The following DGKQ variants were observed in gnomAD, a reference collection of about 807,000 sequenced individuals.
The protein encoded by DGKQ is DAG kinase theta.
In DGKQ, 97 loss-of-function variants were observed where a neutral mutation model predicts 104.2. That is an observed-to-expected ratio of 0.93 (90% CI 0.79 to 1.10). DGKQ has a LOEUF of 1.10. Among genes scored for constraint, DGKQ ranks in the 50% least tolerant of loss-of-function variants. DGKQ has a pLI of 0.00. For missense variants in DGKQ, 1,465 were observed against 1,352.1 expected, an observed-to-expected ratio of 1.08 and a Z score of -1.31; for synonymous variants, 736 against 595.2, an observed-to-expected ratio of 1.24 and a Z score of -3.44.
chr4:965,400 G>A (rs1235859624), intron 14 of DGKQ, 91 bp downstream of exon 14: 8 of 1,549,084 alleles, frequency 5.2e-6, no homozygotes, highest in Non-Finnish European at 7.1e-6. Context: ...CCAAGGGAAA[G>A]GTCAGGTGCT....
In DGKQ at chr4:967,717, C is replaced by A. The variant is rs1229350366; in HGVS notation, c.886+11G>T. ...CTCAGTGGAGTTGGGGGGAATGAGGCGGGCACTTACCGGACTCCGGAGTTG... is the reference window on the plus strand; with the variant it reads ...CTCAGTGGAGTTGGGGGGAATGAGGAGGGCACTTACCGGACTCCGGAGTTG... On this transcript the variant is annotated intron_variant, in intron 7 of 22. Coordinates refer to ENST00000273814, the MANE Select transcript of DGKQ (RefSeq NM_001347.4). 1 of 1,611,480 alleles carries A rather than the reference C, an allele frequency of 6.2e-7. No individual in the cohort carries two copies. Among genetic ancestry groups the A allele is most frequent in the South Asian group, 1.1e-5 (1 of 90,944 alleles).
At chr4:968,742 G>T in intron 3 of DGKQ, 69 bp downstream of exon 3, 1 of 1,459,162 alleles carries the variant, frequency 6.9e-7, no homozygotes, top group Admixed American at 2.0e-5. Context: ...GCACAGCAGG[G>T]GTGGGCTGGG....
At chr4:964,526 A>AT in intron 15 of DGKQ, among the ~76,000 whole-genome samples, 1 of 149,636 alleles carries the variant, frequency 6.7e-6, no homozygotes. Flanking sequence ...CACGGACCAG[A>AT]CCCCCGTTCC....
chr4:964,652 G>A (rs1236933122), intron 15 of DGKQ, among the ~76,000 whole-genome samples: 4 of 152,124 alleles, frequency 2.6e-5, no homozygotes, highest in Admixed American at 6.5e-5. Context: ...TCAAAGTTTG[G>A]GAGCTGCACT....
rs1712898632 is a variant in DGKQ at position 971,136 on chromosome 4, G to A, written c.272-64C>T. 2.3e-6 allele frequency: 3 copies of A among 1,294,052 alleles called. No homozygotes were observed. Among genetic ancestry groups the A allele is most frequent in the Admixed American group, 2.0e-5 (1 of 50,120 alleles). 80.2% of individuals were successfully genotyped at this position (1,294,052 alleles called of 1,614,324 possible). On this transcript the variant is annotated intron_variant, in intron 1 of 22. Coordinates refer to ENST00000273814, the MANE Select transcript of DGKQ (RefSeq NM_001347.4). This position sits in a 1 kb window ranked among gnomAD's most constrained non-coding sequence, Gnocchi z 4.0. The stretch of plus-strand genomic sequence containing the variant: ...ACCCAATGGCTGTCCTACCCAGGAA[G>A]TTAGAGGCCCCAGGGCAATGACTGC...
At chr4:968,610 C>A in intron 3 of DGKQ, 46 bp from the exon 4 acceptor site, 1 of 1,534,524 alleles carries the variant, frequency 6.5e-7, no homozygotes, top group Middle Eastern at 2.1e-4. Flanking sequence ...CCCGGAGGAC[C>A]CCTGCCTCTG....
At chr4:968,996 G>T in intron 2 of DGKQ, 86 bp from the exon 3 acceptor site, 1 of 864,100 alleles carries the variant, frequency 1.2e-6, no homozygotes, top group South Asian at 1.8e-5. Context: ...GCGCAACTCT[G>T]CAGCTCACGC....
rs781196506 is a variant in DGKQ, at chr4:965,341, G to T, written c.1619-50C>A. ...GGGGAGCCTGTCCCATGGCCCCCAC[G>T]GTGCCAGGGCAGGAACCAAACCAGG... On this transcript the variant is annotated intron_variant, in intron 14 of 22. Transcript: ENST00000273814. 4.4e-6 allele frequency: 7 copies of T among 1,585,666 alleles called. No homozygotes were observed. In the East Asian group the frequency reaches 1.6e-4, roughly 36 times the overall value.
rs1711705216 is a variant in DGKQ, at chr4:959,530, G to A, written c.*1090C>T. ...GCACCCCAGCCTGGCCCAGATGCAG[G>A]ACCCTCCACCAAGCTGTCTGGGGGC... On this transcript the variant is annotated 3_prime_UTR_variant, in exon 23 of 23. Coordinates refer to ENST00000273814, the MANE Select transcript of DGKQ (RefSeq NM_001347.4). The A allele has an allele frequency of 6.6e-6, 1 of 152,410 alleles. No homozygotes were observed. The highest frequency in any genetic ancestry group is 1.5e-5 in the Non-Finnish European group (1 of 68,180). The allele number at this position is 152,410 out of a possible 1,614,324, so 9.4% of individuals were successfully genotyped here.
At chr4:970,815 C>A (rs1313043057) in intron 2 of DGKQ, among the ~76,000 whole-genome samples, 178 bp downstream of exon 2, 2 of 152,218 alleles carry the variant, frequency 1.3e-5, no homozygotes, top group Non-Finnish European at 2.9e-5. Flanking sequence ...TTATCACCAT[C>A]ATTCCCTGCA....
chr4:967,839 C>G, intron 6 of DGKQ, 37 bp from the exon 7 acceptor site: 1 of 1,522,856 alleles, frequency 6.6e-7, no homozygotes, highest in Non-Finnish European at 8.8e-7. Flanking sequence ...ATTCAGTGCG[C>G]AGCCCCCAGC....
intron 22 of DGKQ, 44 bp downstream of exon 22, chr4:961,001 GCCCA>G: frequency 6.2e-7 from 1 of 1,601,532 alleles, no homozygotes; most frequent in Non-Finnish European, 8.5e-7. Context: ...CCCATGGCCG[GCCCA>G]GCCCGGCCCA....
chr4:968,565 C>T lies in DGKQ; in HGVS notation c.452-1G>A. ...TCTGGGTGGAGGTGCAGCTCACACACTGGGGGGCAGGCAGGGTTAGAGGTG... is the reference window on the plus strand; with the variant it reads ...TCTGGGTGGAGGTGCAGCTCACACATTGGGGGGCAGGCAGGGTTAGAGGTG... On this transcript the variant is annotated splice_acceptor_variant, in intron 3 of 22. Coordinates refer to ENST00000273814, the MANE Select transcript of DGKQ (RefSeq NM_001347.4). LOFTEE classifies it high-confidence loss of function. 6.2e-7 allele frequency: 1 copy of T among 1,606,356 alleles called. No individual in the cohort carries two copies.
In DGKQ at chr4:972,966, C is replaced by A. The variant is rs547656696; in HGVS notation, c.271+246G>T. Among the ~76,000 whole-genome samples, 3 of 152,352 alleles carry A rather than the reference C, an allele frequency of 2.0e-5. No individual in the cohort carries two copies. The South Asian group carries it at 6.2e-4, about 32-fold the overall frequency. On this transcript the variant is annotated intron_variant, in intron 1 of 22. Coordinates refer to ENST00000273814, the MANE Select transcript of DGKQ (RefSeq NM_001347.4). The stretch of plus-strand genomic sequence containing the variant: ...GTCCCGCTCGCATCAGGCACAGCCC[C>A]TGGGTCGCAGCCATCGCGCGGCACT...
chr4:961,130 G>A lies in DGKQ; in HGVS notation c.2646C>T (p.Leu882=), dbSNP rs746499591. 2 of 1,608,676 alleles carry A rather than the reference G, an allele frequency of 1.2e-6. No individual in the cohort carries two copies. Among genetic ancestry groups the A allele is most frequent in the Non-Finnish European group, 1.7e-6 (2 of 1,178,338 alleles). Residue 882 remains leucine, a synonymous_variant, in exon 22 of 23, where the codon CTC becomes CTT. Transcript: ENST00000273814. ...CGTCCACCTGCACCGGGGTGGCCTT[G>A]AGGAGCGTGACTCGGAAGTAGGAAC... The part of the protein sequence containing the change: ...AQGSYFRVTL[L]KATPVQVDGE...
chr4:967,467 G>A, intron 8 of DGKQ, 82 bp downstream of exon 8: 2 of 1,489,032 alleles, frequency 1.3e-6, no homozygotes, highest in Non-Finnish European at 1.8e-6. Flanking sequence ...GCGCCAGGTT[G>A]GGGGAGCCAG....
In DGKQ at chr4:971,872, G is replaced by C. The variant is rs922810400; in HGVS notation, c.272-800C>G. 1.1e-4 allele frequency among the ~76,000 whole-genome samples: 16 copies of C among 152,202 alleles called. 3 individuals are homozygous for C. The highest frequency in any genetic ancestry group is 1.9e-4 in the East Asian group (1 of 5,168). ...CCCCAGGCAGTCCAGCTGGGACAGG[G>C]AGCTCTTCCAGAAGGCCCCGCTGGT... On this transcript the variant is annotated intron_variant, in intron 1 of 22. Coordinates refer to ENST00000273814, the MANE Select transcript of DGKQ (RefSeq NM_001347.4). The surrounding 1 kb of genome is among the most constrained non-coding windows in gnomAD (Gnocchi z 4.0).
At chr4:963,017 G>T (rs1056657568) in intron 16 of DGKQ, 97 bp from the exon 17 acceptor site, 1 of 1,509,022 alleles carries the variant, frequency 6.6e-7, no homozygotes, top group East Asian at 2.5e-5. Context: ...CCGTGTGGAG[G>T]ACTTCAAGGT....
intron 18 of DGKQ, 118 bp downstream of exon 18, chr4:962,317 G>A: frequency 9.1e-7 from 1 of 1,096,662 alleles, no homozygotes. Context: ...GCTTTGCAGA[G>A]GGGATGATGC....
Sources: gnomAD v4.1 joint callset for allele counts (sites outside exome capture counted in the v4.1 genomes callset) on GRCh38, gnomAD v4.1.1 for gene constraint, Gnocchi (gnomAD v3.1) non-coding constraint, MANE v1.5 for transcripts, NCBI Gene and HGNC (gene_info 2026-07-23, HGNC 2026-07-21) for gene names.